The following DNAH7 variants were observed in gnomAD, a reference collection of about 807,000 sequenced individuals.
DNAH7 encodes axonemal beta dynein heavy chain 7.
Under a neutral mutation model 444.6 loss-of-function variants are expected in DNAH7, and 397 were observed. The ratio of observed to expected loss-of-function variants is 0.89; its 90% CI spans 0.82 to 0.97. The LOEUF (loss-of-function observed/expected upper bound fraction) is 0.97. Among genes scored for constraint, DNAH7 ranks in the 50% least tolerant of loss-of-function variants. The pLI is 0.00. For missense variants in DNAH7, 4,902 were observed against 4,800.8 expected, an observed-to-expected ratio of 1.02 and a Z score of -0.62; for synonymous variants, 1,636 against 1,624.4, an observed-to-expected ratio of 1.01 and a Z score of -0.17.
At position 196,051,493 on chromosome 2, in the gene DNAH7, G is replaced by A. The variant is rs551121735; in HGVS notation, c.79-244C>T. 1.3e-4 allele frequency among the ~76,000 whole-genome samples: 20 copies of A among 152,190 alleles called. No individual in the cohort carries two copies. The East Asian group carries it at 2.9e-3, about 22-fold the overall frequency. On this transcript the variant is annotated intron_variant, in intron 2 of 64. Coordinates refer to ENST00000312428, the MANE Select transcript of DNAH7 (RefSeq NM_018897.3). ...AAAGCTTTAAAAAGTATGCAAAACC[G>A]GCCAGGCGCGGTGGCTGTAATCCCA...
intron 12 of DNAH7, among the ~76,000 whole-genome samples, chr2:195,992,660 C>T (rs1693423215): frequency 1.3e-5 from 2 of 152,212 alleles, no homozygotes; most frequent in Admixed American, 1.3e-4. Flanking sequence ...ATCTGACTCC[C>T]TCATTCCCAC....
Position 195,960,946 on chromosome 2 carries a change from C to G in DNAH7, c.2206-1G>C, listed in dbSNP as rs1221161915. The G allele has an allele frequency of 1.3e-6, 2 of 1,574,772 alleles. No individual in the cohort carries two copies. The highest frequency in any genetic ancestry group is 2.3e-5 in the East Asian group (1 of 44,364). ...CCTCTTCAGCATTAAACTGCTCAAT[C>G]TGAAAGGATAAGTATTGAATATATT... On this transcript the variant is annotated splice_acceptor_variant, in intron 17 of 64. Transcript: ENST00000312428. LOFTEE classifies it high-confidence loss of function.
chr2:195,973,498 G>T (rs569643173), intron 15 of DNAH7, among the ~76,000 whole-genome samples: 4 of 152,052 alleles, frequency 2.6e-5, no homozygotes, highest in South Asian at 2.1e-4. Flanking sequence ...TTGAGATGGA[G>T]TCTCACTCTG....
chr2:195,822,480 T>C (rs1438766812), intron 49 of DNAH7, among the ~76,000 whole-genome samples: 4 of 152,192 alleles, frequency 2.6e-5, no homozygotes, highest in African/African-American at 9.6e-5. Flanking sequence ...ACACCATCCC[T>C]TGGGTGCTTT....
At chr2:195,844,531 A>G (rs1352428652) in intron 47 of DNAH7, among the ~76,000 whole-genome samples, 1 of 152,170 alleles carries the variant, frequency 6.6e-6, no homozygotes, top group Non-Finnish European at 1.5e-5. Context: ...CCAGGAAACT[A>G]CAGGTATAAT....
intron 24 of DNAH7, 124 bp from the exon 25 acceptor site, chr2:195,910,319 C>A: frequency 1.3e-6 from 1 of 757,628 alleles, no homozygotes; most frequent in Non-Finnish European, 2.0e-6. Context: ...TAATTTCTTC[C>A]TTCCCAGTAA....
intron 58 of DNAH7, among the ~76,000 whole-genome samples, chr2:195,779,463 T>A (rs1695267499): frequency 6.6e-6 from 1 of 152,204 alleles, no homozygotes; most frequent in South Asian, 2.1e-4. Flanking sequence ...AAATCTTTGC[T>A]AATATGGTAG....
intron 57 of DNAH7, among the ~76,000 whole-genome samples, chr2:195,792,925 G>GTTAC (rs1553519867): frequency 6.6e-6 from 1 of 151,796 alleles, no homozygotes; most frequent in Non-Finnish European, 1.5e-5. Flanking sequence ...TTGTACTATT[G>GTTAC]TTATTTATTT....
intron 56 of DNAH7, 38 bp downstream of exon 56, chr2:195,796,538 G>C (rs749375131): frequency 6.2e-7 from 1 of 1,606,492 alleles, no homozygotes; most frequent in Non-Finnish European, 8.5e-7. Flanking sequence ...ATTAGATCCA[G>C]GGAATGCAAT....
chr2:195,961,013 TAAATATCTATTTC>T (rs1409119586), intron 17 of DNAH7, 68 bp from the exon 18 acceptor site: 3 of 1,293,412 alleles, frequency 2.3e-6, no homozygotes, highest in African/African-American at 1.5e-5. Context: ...TAAGTTTTTT[TAAATATCTATTTC>T]AAATGTGAGC....
At chr2:195,966,159 T>A (rs575950212) in intron 17 of DNAH7, among the ~76,000 whole-genome samples, 15 of 152,296 alleles carry the variant, frequency 9.8e-5, no homozygotes, top group Admixed American at 9.2e-4. Context: ...GTTTCCATTA[T>A]CATTTGTTTC....
Position 196,019,286 on chromosome 2 carries a change from A to C in DNAH7, c.753T>G (p.Ile251Met), listed in dbSNP as rs1032125040. 8 of 1,482,488 alleles carry C rather than the reference A, an allele frequency of 5.4e-6. No homozygotes were observed. Among genetic ancestry groups the C allele is most frequent in the Non-Finnish European group, 7.3e-6 (8 of 1,100,528 alleles). The allele number at this position is 1,482,488 out of a possible 1,614,324, so 91.8% of individuals were successfully genotyped here. ...ELPAHRAEME[I>M]LPKPWRKSFL... ...AAGATTTCCTCCAAGGTTTTGGCAG[A>C]ATTTCCATTCTGAAAACAAAGAAAA... is the stretch of plus-strand genomic sequence containing the variant. Residue 251 changes from isoleucine (I) to methionine (M), a missense_variant, in exon 9 of 65, where the codon ATT (isoleucine) becomes ATG (methionine). Physicochemically the swap from Ile to Met is conservative, Grantham distance 10. Coordinates refer to ENST00000312428, the MANE Select transcript of DNAH7 (RefSeq NM_018897.3).
intron 15 of DNAH7, among the ~76,000 whole-genome samples, chr2:195,983,382 C>T (rs1692700349): frequency 6.6e-6 from 1 of 152,048 alleles, no homozygotes; most frequent in African/African-American, 2.4e-5. Flanking sequence ...AAGCATGGTG[C>T]CAGCATCTGC....
At chr2:195,897,174 T>C (rs1471208993) in intron 29 of DNAH7, among the ~76,000 whole-genome samples, 2 of 152,184 alleles carry the variant, frequency 1.3e-5, no homozygotes, top group South Asian at 2.1e-4. Flanking sequence ...ATACTTCCTC[T>C]CAATTACTCA....
chr2:196,046,882 A>G (rs1178573525), intron 5 of DNAH7, among the ~76,000 whole-genome samples: 4 of 152,244 alleles, frequency 2.6e-5, no homozygotes, highest in Admixed American at 2.0e-4. Context: ...AAGGCAAAGA[A>G]GAGCTGGTGA....
chr2:195,937,034 G>C (rs929081444), intron 19 of DNAH7, among the ~76,000 whole-genome samples: 1 of 152,038 alleles, frequency 6.6e-6, no homozygotes, highest in Non-Finnish European at 1.5e-5. Flanking sequence ...TCTAAGTTGA[G>C]AAGTGTAAGA....
intron 46 of DNAH7, among the ~76,000 whole-genome samples, chr2:195,850,604 T>G (rs1699303437): frequency 6.6e-6 from 1 of 152,170 alleles, no homozygotes; most frequent in African/African-American, 2.4e-5. Flanking sequence ...GATAAATAAT[T>G]GACGACTACT....
chr2:195,903,949 A>G (rs1040648869), intron 27 of DNAH7: 3 of 152,176 alleles, frequency 2.0e-5, no homozygotes, highest in African/African-American at 7.2e-5. Flanking sequence ...TGGTAGCAGG[A>G]TTAATACCCA....
At chr2:195,777,645 G>A (rs999568340) in intron 59 of DNAH7, among the ~76,000 whole-genome samples, 155 bp downstream of exon 59, 51 of 152,128 alleles carry the variant, frequency 3.4e-4, no homozygotes, top group Admixed American at 2.0e-4. Context: ...CACCTATAGC[G>A]TGAGCTTTGT....
Sources: gnomAD v4.1 joint callset for allele counts (sites outside exome capture counted in the v4.1 genomes callset) on GRCh38, gnomAD v4.1.1 for gene constraint, MANE v1.5 for transcripts, NCBI Gene and HGNC (gene_info 2026-07-23, HGNC 2026-07-21) for gene names.